The following BCKDHB variants were observed in gnomAD, a reference collection of about 807,000 sequenced individuals.
BCKDHB encodes branched chain keto acid dehydrogenase E1 subunit beta.
In BCKDHB, 41 loss-of-function variants were observed where a neutral mutation model predicts 48.5. That is an observed-to-expected ratio of 0.85 (90% CI 0.66 to 1.10). The LOEUF is 1.10. BCKDHB is among the 50% of genes least tolerant of loss of function. The pLI, the probability that BCKDHB is intolerant of heterozygous loss-of-function variation, is 0.00. For missense variants in BCKDHB, 496 were observed against 494.2 expected, an observed-to-expected ratio of 1.00 and a Z score of -0.03; for synonymous variants, 201 against 174.8, an observed-to-expected ratio of 1.15 and a Z score of -1.18.
the BCKDHB span, among the ~76,000 whole-genome samples, chr6:80,402,803 A>G: frequency 6.6e-6 from 1 of 151,740 alleles, no homozygotes; most frequent in African/African-American, 2.4e-5. Context: ...TATGAATTCA[A>G]TTTTATTTTT....
chr6:80,168,873 A>T lies in BCKDHB; in HGVS notation c.478-2A>T. The T allele has an allele frequency of 6.2e-7, 1 of 1,614,014 alleles. No individual in the cohort carries two copies. Among genetic ancestry groups the T allele is most frequent in the Non-Finnish European group, 8.5e-7 (1 of 1,179,982 alleles). ...TGCCCCGTCTTTCTTTCTGACCCTC[A>T]GATTGTTAATGAAGCTGCCAAGTAT... On this transcript the variant is annotated splice_acceptor_variant, in intron 4 of 9. Transcript: ENST00000320393. LOFTEE classifies it high-confidence loss of function.
chr6:80,238,595 T>C (rs1280339321), intron 8 of BCKDHB, among the ~76,000 whole-genome samples: 1 of 151,798 alleles, frequency 6.6e-6, no homozygotes, highest in Non-Finnish European at 1.5e-5. Flanking sequence ...TTTATTTATT[T>C]ATATATTTTT....
At chr6:80,280,231 A>G (rs1260432349) in intron 9 of BCKDHB, among the ~76,000 whole-genome samples, 2 of 152,228 alleles carry the variant, frequency 1.3e-5, no homozygotes, top group African/African-American at 2.4e-5. Context: ...CATGTAATAT[A>G]TATAAAATAT....
At chr6:80,278,058 A>C (rs1348528907) in intron 9 of BCKDHB, among the ~76,000 whole-genome samples, 1 of 152,154 alleles carries the variant, frequency 6.6e-6, no homozygotes, top group Non-Finnish European at 1.5e-5. Context: ...TAGGGTCTTG[A>C]ATTTTTACCA....
chr6:80,394,211 A>G, the BCKDHB span, among the ~76,000 whole-genome samples: 1 of 151,922 alleles, frequency 6.6e-6, no homozygotes, highest in African/African-American at 2.4e-5. Flanking sequence ...TTGTATTTCT[A>G]ATTTTCTTAT....
the BCKDHB span, chr6:80,462,776 A>G: frequency 2.0e-5 from 3 of 152,238 alleles, no homozygotes; most frequent in Admixed American, 6.5e-5. Flanking sequence ...TGTGGGAATC[A>G]AATCAAGGTT....
At chr6:80,212,758 C>T (rs1276053341) in intron 8 of BCKDHB, among the ~76,000 whole-genome samples, 1 of 152,172 alleles carries the variant, frequency 6.6e-6, no homozygotes. Context: ...CCAGCTGGCC[C>T]CTCCATTCGG....
At chr6:80,439,770 G>C in the BCKDHB span, among the ~76,000 whole-genome samples, 1 of 152,174 alleles carries the variant, frequency 6.6e-6, no homozygotes, top group Admixed American at 6.5e-5. Context: ...CAATTCTAAA[G>C]CTGGGCCTGG....
intron 6 of BCKDHB, among the ~76,000 whole-genome samples, chr6:80,197,682 A>C (rs1457022241): frequency 6.6e-6 from 1 of 152,204 alleles, no homozygotes; most frequent in Non-Finnish European, 1.5e-5. Context: ...ACTTACAAGT[A>C]AGATGGAATG....
intron 3 of BCKDHB, among the ~76,000 whole-genome samples, chr6:80,166,213 T>C (rs186338130): frequency 7.2e-5 from 11 of 152,356 alleles, no homozygotes; most frequent in African/African-American, 2.6e-4. Flanking sequence ...GTGGAAAGGA[T>C]AGTCTGAAAA....
At chr6:80,459,272 A>G in the BCKDHB span, among the ~76,000 whole-genome samples, 1 of 152,220 alleles carries the variant, frequency 6.6e-6, no homozygotes, top group Non-Finnish European at 1.5e-5. Flanking sequence ...AATGTGGTAT[A>G]TACACATAAT....
chr6:80,206,785 T>C (rs572060628), intron 8 of BCKDHB, among the ~76,000 whole-genome samples: 2 of 152,108 alleles, frequency 1.3e-5, no homozygotes, highest in East Asian at 1.9e-4. Flanking sequence ...ATCTGTCTTA[T>C]ATACAATTTG....
the BCKDHB span, among the ~76,000 whole-genome samples, chr6:80,382,019 T>A: frequency 6.6e-6 from 1 of 152,134 alleles, no homozygotes; most frequent in Non-Finnish European, 1.5e-5. Context: ...ACCGAGGTAG[T>A]AAAGAGCCTG....
chr6:80,342,780 C>A (rs1025535045), intron 9 of BCKDHB, among the ~76,000 whole-genome samples: 21 of 151,964 alleles, frequency 1.4e-4, no homozygotes, highest in Non-Finnish European at 2.4e-4. Context: ...GAGAGTGAGA[C>A]CCTATTTCAA....
chr6:80,397,918 A>G, the BCKDHB span, among the ~76,000 whole-genome samples: 1 of 152,112 alleles, frequency 6.6e-6, no homozygotes, highest in Non-Finnish European at 1.5e-5. Context: ...AACAAACAAA[A>G]TAAACCTTAC....
At chr6:80,399,888 T>A in the BCKDHB span, among the ~76,000 whole-genome samples, 1 of 151,998 alleles carries the variant, frequency 6.6e-6, no homozygotes, top group Non-Finnish European at 1.5e-5. Context: ...ACCAGACATA[T>A]TGACTAATGG....
intron 6 of BCKDHB, among the ~76,000 whole-genome samples, chr6:80,180,704 A>G (rs1345735682): frequency 6.6e-6 from 1 of 152,220 alleles, no homozygotes; most frequent in Non-Finnish European, 1.5e-5. Context: ...GAATTCATAT[A>G]TTTTGAAGAG....
At chr6:80,400,744 A>C in the BCKDHB span, among the ~76,000 whole-genome samples, 1 of 152,116 alleles carries the variant, frequency 6.6e-6, no homozygotes, top group African/African-American at 2.4e-5. Flanking sequence ...AAATTTTTCT[A>C]CCGTAAAGAC....
At chr6:80,162,711 C>T (rs1437584764) in intron 3 of BCKDHB, among the ~76,000 whole-genome samples, 2 of 151,840 alleles carry the variant, frequency 1.3e-5, no homozygotes, top group Non-Finnish European at 1.5e-5. Context: ...ATTAGCTGGG[C>T]GTGGTCGTGG....
Sources: allele counts gnomAD v4.1 joint callset (sites outside exome capture counted in the v4.1 genomes callset), GRCh38; gene constraint gnomAD v4.1.1; transcripts MANE v1.5; gene names NCBI Gene and HGNC (gene_info 2026-07-23, HGNC 2026-07-21).